The following ESF1 variants were observed in gnomAD, a reference collection of about 807,000 sequenced individuals.
ESF1 encodes the protein ESF1 homolog.
A neutral mutation model predicts 92.0 loss-of-function variants in ESF1; 58 were observed. The ratio of observed to expected loss-of-function variants is 0.63; its 90% confidence interval spans 0.51 to 0.78. ESF1 has a LOEUF of 0.78. ESF1 is among the 30% of genes least tolerant of loss of function. The pLI is 0.00. For synonymous variants in ESF1, 321 were observed against 313.7 expected, an observed-to-expected ratio of 1.02 and a Z score of -0.24; for missense variants, 922 against 989.1, an observed-to-expected ratio of 0.93 and a Z score of 0.91.
At chr20:13,760,440 G>T (rs1224383132) in intron 8 of ESF1, among the ~76,000 whole-genome samples, 3 of 144,100 alleles carry the variant, frequency 2.1e-5, no homozygotes. Flanking sequence ...GCCTCTGCCC[G>T]GCCGCGACCC....
Position 13,733,705 on chromosome 20 carries a change from T to C in ESF1, c.1950+16A>G, listed in dbSNP as rs370526946. On this transcript the variant is annotated intron_variant, in intron 10 of 13. Transcript: ENST00000617257. ...TTGGTATTCAACAAACATTTGGTCATAATTATCAATGATACCTTCTGTTTC... is the reference window on the plus strand; with the variant it reads ...TTGGTATTCAACAAACATTTGGTCACAATTATCAATGATACCTTCTGTTTC... 1.2e-6 allele frequency: 2 copies of C among 1,607,970 alleles called. No individual in the cohort carries two copies. Among genetic ancestry groups the C allele is most frequent in the African/African-American group, 2.7e-5 (2 of 74,634 alleles).
At chr20:13,746,016 G>A (rs527545028) in intron 9 of ESF1, among the ~76,000 whole-genome samples, 10 of 152,220 alleles carry the variant, frequency 6.6e-5, no homozygotes, top group Non-Finnish European at 1.3e-4. Context: ...AGACTGGAAT[G>A]TAGTAGCATG....
At chr20:13,779,862 C>A (rs1439039038) in intron 2 of ESF1, among the ~76,000 whole-genome samples, 1 of 152,114 alleles carries the variant, frequency 6.6e-6, no homozygotes, top group African/African-American at 2.4e-5. Context: ...AAAAATAATG[C>A]TGCAATGCAC....
In ESF1 at chr20:13,717,348, T is replaced by C. The variant is rs1340742930; in HGVS notation, c.2262+20A>G. ...ATTCAATTCCAGCTTTAAGAGGCTA[T>C]GCCTGGTGTCTATGGTTACCTCAAA... On this transcript the variant is annotated intron_variant, in intron 13 of 13. Coordinates refer to ENST00000617257, the MANE Select transcript of ESF1 (RefSeq NM_001276380.2). 1.9e-6 allele frequency: 3 copies of C among 1,612,874 alleles called. No individual in the cohort carries two copies. In the South Asian group the frequency reaches 3.3e-5, roughly 18 times the overall value.
intron 12 of ESF1, among the ~76,000 whole-genome samples, chr20:13,717,863 T>C (rs1414459996): frequency 6.6e-6 from 1 of 152,194 alleles, no homozygotes. Flanking sequence ...TTGTTCTTTT[T>C]GCGCAATGAT....
intron 2 of ESF1, among the ~76,000 whole-genome samples, chr20:13,780,509 G>T (rs1980132607): frequency 6.6e-6 from 1 of 152,192 alleles, no homozygotes; most frequent in Admixed American, 6.5e-5. Context: ...ATGTAAAATG[G>T]GATACCACCA....
In ESF1 at chr20:13,771,436, T is replaced by C. The variant is rs1568727359; in HGVS notation, c.1298A>G (p.Tyr433Cys). ...LRDYQFKRLK[Y>C]YYAVVDCDSP... ...ATCACAGTCTACTACTGCATAATAG[T>C]ACTTCAGTCGTTTGAATTGATAATC... The change falls in exon 6 of 14, where the codon TAC (tyrosine) becomes TGC (cysteine). Residue 433 changes from tyrosine (Y) to cysteine (C), a missense_variant. Transcript: ENST00000617257. 1 of 1,613,218 alleles carries C rather than the reference T, an allele frequency of 6.2e-7. No homozygotes were observed. Among genetic ancestry groups the C allele is most frequent in the East Asian group, 2.2e-5 (1 of 44,762 alleles).
intron 10 of ESF1, among the ~76,000 whole-genome samples, chr20:13,731,045 C>G (rs982163666): frequency 6.6e-6 from 1 of 152,052 alleles, no homozygotes; most frequent in Non-Finnish European, 1.5e-5. Flanking sequence ...CTAGAACACC[C>G]TGGACACTCA....
intron 1 of ESF1, among the ~76,000 whole-genome samples, chr20:13,784,642 T>G (rs2147460618): frequency 6.6e-6 from 1 of 151,844 alleles, no homozygotes; most frequent in Admixed American, 6.6e-5. Flanking sequence ...AACTAGGGTC[T>G]CCTTTCCACC....
intron 6 of ESF1, among the ~76,000 whole-genome samples, chr20:13,770,646 C>A (rs1015823141): frequency 1.3e-4 from 20 of 152,194 alleles, no homozygotes; most frequent in Admixed American, 1.3e-4. Flanking sequence ...CTATGCCCAG[C>A]TGGCTATATT....
rs1393548694 is a variant in ESF1, at chr20:13,784,881, GT to G, written c.-46del. 9 of 609,364 alleles carry G rather than the reference GT, an allele frequency of 1.5e-5. No individual in the cohort carries two copies. Among genetic ancestry groups the G allele is most frequent in the African/African-American group, 1.3e-4 (7 of 53,994 alleles). 37.7% of individuals were successfully genotyped at this position (609,364 alleles called of 1,614,324 possible). A position where few individuals can be genotyped will look rare whatever the true frequency, so the allele number is the denominator to read the frequency against. The stretch of plus-strand genomic sequence containing the variant: ...CAACTCCAGTCCATCCCCACTCACC[GT>G]CCGCAGTCCTACCAAGCCTCACGTG... On this transcript the variant is annotated splice_region_variant and 5_prime_UTR_variant, in exon 1 of 14. Transcript: ENST00000617257.
In ESF1 at chr20:13,768,560, C is replaced by T. The variant is rs183242906; in HGVS notation, c.1518+1347G>A. Among the ~76,000 whole-genome samples, 306 of 151,096 alleles carry T rather than the reference C, an allele frequency of 2.0e-3. 2 individuals carry two copies. The Middle Eastern group carries it at 0.028, about 14-fold the overall frequency. Reference sequence around the variant, plus strand: ...TTGCACCACCGTACTCCAGCCTAGGCGACAGAGTGAGACTCAGTCTCCAAA... The same window carrying T: ...TTGCACCACCGTACTCCAGCCTAGGTGACAGAGTGAGACTCAGTCTCCAAA... On this transcript the variant is annotated intron_variant, in intron 7 of 13. Transcript: ENST00000617257.
intron 9 of ESF1, among the ~76,000 whole-genome samples, chr20:13,753,913 C>T (rs762198809): frequency 2.0e-5 from 3 of 152,176 alleles, no homozygotes; most frequent in African/African-American, 4.8e-5. Flanking sequence ...TAATGGACCA[C>T]TAGGCATAAG....
chr20:13,776,077 C>G lies in ESF1; in HGVS notation c.831G>C (p.Glu277Asp), dbSNP rs1555826992. 1 of 1,613,536 alleles carries G rather than the reference C, an allele frequency of 6.2e-7. No homozygotes were observed. Among genetic ancestry groups the G allele is most frequent in the East Asian group, 2.2e-5 (1 of 44,856 alleles). ...GDDDGSEDDE[E>D]EDEDEEEDED... ...CATCCTCCTCTTCATCTTCATCCTCCTCTTCATCATCTTCACTTCCATCGT... is the reference window on the plus strand; with the variant it reads ...CATCCTCCTCTTCATCTTCATCCTCGTCTTCATCATCTTCACTTCCATCGT... Residue 277 changes from glutamate (E) to aspartate (D), a missense_variant, in exon 3 of 14, where the codon GAG becomes GAC. By Grantham distance (45) the Glu-to-Asp change is conservative (BLOSUM62 2). Coordinates refer to ENST00000617257, the MANE Select transcript of ESF1 (RefSeq NM_001276380.2).
intron 9 of ESF1, among the ~76,000 whole-genome samples, chr20:13,750,303 G>A (rs995956409): frequency 3.3e-5 from 5 of 152,138 alleles, no homozygotes; most frequent in South Asian, 2.1e-4. Flanking sequence ...TCAGGAGTTC[G>A]AGACCAGCCT....
chr20:13,763,192 A>G (rs1979282975), intron 8 of ESF1, among the ~76,000 whole-genome samples: 1 of 152,182 alleles, frequency 6.6e-6, no homozygotes. Context: ...ATAAAAATAC[A>G]AGATACAAGG....
chr20:13,718,868 T>A (rs1403933025), intron 12 of ESF1, 40 bp downstream of exon 12: 1 of 1,457,298 alleles, frequency 6.9e-7, no homozygotes, highest in South Asian at 1.3e-5. Context: ...ATTGTACCTA[T>A]GAATTATCCA....
rs369150292 is a variant in ESF1 at position 13,775,153 on chromosome 20, T to G, written c.1149+4A>C. On this transcript the variant is annotated splice_donor_region_variant and intron_variant, in intron 4 of 13. Coordinates refer to ENST00000617257, the MANE Select transcript of ESF1 (RefSeq NM_001276380.2). ...ATTTATTTCAAAATGAAATCAATTC[T>G]CACCTTGACGGAAAATATTACACCT... is the stretch of plus-strand genomic sequence containing the variant. The G allele has an allele frequency of 1.9e-6, 3 of 1,538,804 alleles. No homozygotes were observed. The African/African-American group carries it at 4.2e-5, about 21-fold the overall frequency.
intron 2 of ESF1, among the ~76,000 whole-genome samples, chr20:13,777,667 T>C (rs1426556459): frequency 1.3e-5 from 2 of 152,206 alleles, no homozygotes; most frequent in African/African-American, 4.8e-5. Flanking sequence ...TGAAAGACTG[T>C]TTTTGCTTAA....
Sources: gnomAD v4.1 joint callset for allele counts (sites outside exome capture counted in the v4.1 genomes callset) on GRCh38, gnomAD v4.1.1 for gene constraint, MANE v1.5 for transcripts, NCBI Gene and HGNC (gene_info 2026-07-23, HGNC 2026-07-21) for gene names.